Variants in MBD2 observed in about 807,000 individuals in gnomAD.
MBD2 encodes methyl-CpG-binding domain protein 2.
MBD2 carries 9 observed loss-of-function variants against 39.3 expected under a neutral mutation model. The observed-to-expected ratio is 0.23, with a 90% CI of 0.14 to 0.40. The LOEUF (loss-of-function observed/expected upper bound fraction) is 0.40. Among genes scored for constraint, MBD2 ranks in the 10% least tolerant of loss-of-function variants. The pLI is 1.00. For missense variants in MBD2, 458 were observed against 532.6 expected (o/e 0.86, Z 1.38); for synonymous variants, 233 against 211.1 (o/e 1.10, Z -0.90).
chr18:54,162,523 A>G (rs2086104494), intron 5 of MBD2, among the ~76,000 whole-genome samples: 1 of 152,238 alleles, frequency 6.6e-6, no homozygotes, highest in African/African-American at 2.4e-5. Context: ...CAAAAAGGAA[A>G]TCATCCAGAA....
intron 3 of MBD2, among the ~76,000 whole-genome samples, chr18:54,177,170 TA>T (rs1462036821): frequency 9.2e-5 from 14 of 152,350 alleles, no homozygotes; most frequent in African/African-American, 2.9e-4. Flanking sequence ...CAAGTTCATA[TA>T]GGAACTTAGA....
intron 3 of MBD2, among the ~76,000 whole-genome samples, chr18:54,175,486 C>G (rs2086205516): frequency 6.6e-6 from 1 of 152,196 alleles, no homozygotes; most frequent in African/African-American, 2.4e-5. Context: ...CTCATCTTGC[C>G]CCATCAATTT....
chr18:54,185,690 T>G (rs1024132058), intron 3 of MBD2, among the ~76,000 whole-genome samples: 4 of 152,140 alleles, frequency 2.6e-5, no homozygotes, highest in African/African-American at 9.7e-5. Context: ...TGATTACTGT[T>G]TGGGATAATA....
At chr18:54,222,825 G>C (rs1406459566) in intron 1 of MBD2, among the ~76,000 whole-genome samples, 1 of 152,222 alleles carries the variant, frequency 6.6e-6, no homozygotes, top group Admixed American at 6.5e-5. Context: ...TCACATTCTT[G>C]TGTGTGCATA....
At chr18:54,222,275 A>G (rs894788719) in intron 1 of MBD2, 2 of 456,108 alleles carry the variant, frequency 4.4e-6, no homozygotes, top group African/African-American at 2.0e-5. Context: ...TTTTTTTTTA[A>G]TCAGAAGAAA....
At chr18:54,204,493 A>G (rs946053704) in intron 2 of MBD2, among the ~76,000 whole-genome samples, 4 of 152,226 alleles carry the variant, frequency 2.6e-5, no homozygotes, top group Admixed American at 6.5e-5. Flanking sequence ...ACTATCAACC[A>G]AACAGCTCGA....
intron 3 of MBD2, among the ~76,000 whole-genome samples, chr18:54,179,356 A>G (rs1235129003): frequency 1.3e-5 from 2 of 152,220 alleles, no homozygotes; most frequent in Non-Finnish European, 2.9e-5. Context: ...CTCCAAGCTC[A>G]TTTTATAAAG....
intron 3 of MBD2, among the ~76,000 whole-genome samples, chr18:54,169,339 T>C (rs1172837885): frequency 6.6e-6 from 1 of 151,366 alleles, no homozygotes; most frequent in East Asian, 1.9e-4. Context: ...CGTACTCCAA[T>C]AGTCAGTCAG....
At chr18:54,168,613 TTGTGTGTGTGTGTGTGTGTGTG>T (rs60604906) in intron 3 of MBD2, among the ~76,000 whole-genome samples, 32 of 117,168 alleles carry the variant, frequency 2.7e-4, no homozygotes, top group African/African-American at 1.1e-3. Flanking sequence ...GTATGCATAT[TTGTGTGTGTGTGTGTGTGTGTG>T]TGTGTGTGTG....
At chr18:54,192,391 C>T (rs1054949700) in intron 2 of MBD2, among the ~76,000 whole-genome samples, 5 of 152,086 alleles carry the variant, frequency 3.3e-5, no homozygotes, top group Non-Finnish European at 5.9e-5. Context: ...CACCACCACA[C>T]CCAGCTAATT....
At chr18:54,218,865 G>A (rs2086584516) in intron 1 of MBD2, among the ~76,000 whole-genome samples, 3 of 151,930 alleles carry the variant, frequency 2.0e-5, no homozygotes, top group Admixed American at 2.0e-4. Context: ...AGGAGTCTGA[G>A]GTAGGACAAT....
chr18:54,224,285 C>G lies in MBD2; in HGVS notation c.275G>C (p.Arg92Pro). 2.1e-6 allele frequency: 2 copies of G among 937,832 alleles called. No individual in the cohort carries two copies. Among genetic ancestry groups the G allele is most frequent in the South Asian group, 4.7e-5 (1 of 21,236 alleles). 58.1% of individuals were successfully genotyped at this position (937,832 alleles called of 1,614,324 possible). ...GCCACTCGGGGGACGGCCGCGGCCC[C>G]GGCCCCGGCCCCGTCCCCGTCCCCG... is the stretch of plus-strand genomic sequence containing the variant. ...RGRGRGRGRG[R>P]GRGRPPSGGS... The change falls in exon 1 of 7, where the codon CGG (arginine) becomes CCG (proline). Residue 92 changes from arginine to proline, a missense_variant. Arg to Pro is a moderately radical substitution (Grantham distance 103). Coordinates refer to ENST00000256429, the MANE Select transcript of MBD2 (RefSeq NM_003927.5).
chr18:54,204,788 A>ATGT (rs2086436539), intron 2 of MBD2, among the ~76,000 whole-genome samples: 1 of 152,176 alleles, frequency 6.6e-6, no homozygotes, highest in Non-Finnish European at 1.5e-5. Flanking sequence ...AGAAAGTATG[A>ATGT]TGTTCACTGA....
intron 5 of MBD2, among the ~76,000 whole-genome samples, chr18:54,160,876 G>C (rs1312696586): frequency 6.6e-6 from 1 of 151,592 alleles, no homozygotes; most frequent in African/African-American, 2.4e-5. Flanking sequence ...CAGCAGAACA[G>C]AAAAGGGGGC....
At chr18:54,188,265 T>C (rs1402987170) in intron 3 of MBD2, among the ~76,000 whole-genome samples, 2 of 152,208 alleles carry the variant, frequency 1.3e-5, no homozygotes, top group Non-Finnish European at 2.9e-5. Context: ...CCGGGCTATA[T>C]GGCATTAACA....
At chr18:54,178,934 A>G (rs965651802) in intron 3 of MBD2, among the ~76,000 whole-genome samples, 1 of 152,244 alleles carries the variant, frequency 6.6e-6, no homozygotes, top group African/African-American at 2.4e-5. Context: ...CATGAAAAAA[A>G]CTAGAAAGAA....
At chr18:54,201,342 G>A (rs1472635404) in intron 2 of MBD2, among the ~76,000 whole-genome samples, 2 of 152,158 alleles carry the variant, frequency 1.3e-5, no homozygotes, top group African/African-American at 4.8e-5. Flanking sequence ...TTCAACGTCA[G>A]TTGAAGAGAT....
chr18:54,214,003 CTTTTTTT>C (rs529774043), intron 1 of MBD2, among the ~76,000 whole-genome samples: 12 of 129,326 alleles, frequency 9.3e-5, no homozygotes, highest in Admixed American at 7.1e-4. Context: ...TTCTTTCTTT[CTTTTTTT>C]TTTTTTTTTT....
chr18:54,202,849 A>G (rs1599100435), intron 2 of MBD2: 2 of 1,445,224 alleles, frequency 1.4e-6, no homozygotes, highest in Non-Finnish European at 1.9e-6. Flanking sequence ...GTCTAGCTGA[A>G]GCAGACAAAC....
Sources: allele counts gnomAD v4.1 joint callset (sites outside exome capture counted in the v4.1 genomes callset), GRCh38; gene constraint gnomAD v4.1.1; transcripts MANE v1.5; gene names NCBI Gene and HGNC (gene_info 2026-07-23, HGNC 2026-07-21).